The following PHACTR4 variants were observed in gnomAD, a reference collection of about 807,000 sequenced individuals.
PHACTR4 encodes protein phosphatase 1, regulatory subunit 124.
Under a neutral mutation model 72.7 loss-of-function variants are expected in PHACTR4, and 51 were observed. The ratio of observed to expected loss-of-function variants is 0.70; its 90% CI spans 0.56 to 0.89. PHACTR4 has a LOEUF of 0.89. Ranked by LOEUF, PHACTR4 falls within the 40% of genes least tolerant of loss-of-function variation. PHACTR4 has a pLI of 0.00. For synonymous variants in PHACTR4, 255 were observed against 302.5 expected, an observed-to-expected ratio of 0.84 and a Z score of 1.63; for missense variants, 731 against 861.8, an observed-to-expected ratio of 0.85 and a Z score of 1.90.
At chr1:28,418,600 C>A (rs1655278644) in intron 2 of PHACTR4, among the ~76,000 whole-genome samples, 1 of 151,990 alleles carries the variant, frequency 6.6e-6, no homozygotes, top group Non-Finnish European at 1.5e-5. Context: ...ATTATTTTTT[C>A]TTATTACAAA....
chr1:28,384,094 T>C (rs774792868), intron 1 of PHACTR4, among the ~76,000 whole-genome samples: 6 of 152,220 alleles, frequency 3.9e-5, no homozygotes, highest in Non-Finnish European at 7.3e-5. Flanking sequence ...TGCATTGATA[T>C]TCATCAAGAA....
intron 1 of PHACTR4, among the ~76,000 whole-genome samples, chr1:28,384,114 G>C (rs557108560): frequency 1.3e-5 from 2 of 152,224 alleles, no homozygotes; most frequent in South Asian, 4.1e-4. Context: ...ATGTTGACCT[G>C]AAGTTTTCTT....
chr1:28,394,650 G>T (rs1473653199), intron 1 of PHACTR4, among the ~76,000 whole-genome samples: 1 of 150,206 alleles, frequency 6.7e-6, no homozygotes, highest in African/African-American at 2.5e-5. Context: ...AGGCTGGAGT[G>T]CAGTGGCACG....
At chr1:28,382,743 C>T (rs1186173958) in intron 1 of PHACTR4, among the ~76,000 whole-genome samples, 1 of 152,078 alleles carries the variant, frequency 6.6e-6, no homozygotes, top group Non-Finnish European at 1.5e-5. Context: ...AGGAAGGGAT[C>T]CATTTTCAAT....
rs1223295576 is a variant in PHACTR4 at position 28,440,394 on chromosome 1, C to CTTTTTTTTTTTT, written c.17-18683_17-18672dup. Among the ~76,000 whole-genome samples the CTTTTTTTTTTTT allele has an allele frequency of 4.1e-4, 34 of 83,234 alleles. 2 individuals carry two copies. Among genetic ancestry groups the CTTTTTTTTTTTT allele is most frequent in the Non-Finnish European group, 4.9e-4 (22 of 44,686 alleles). 54.6% of individuals were successfully genotyped at this position (83,234 alleles called of 152,430 possible). A position where few individuals can be genotyped will look rare whatever the true frequency, so the allele number is the denominator to read the frequency against. Reference sequence around the variant, plus strand: ...AAAGTAAGAATCAAATTCATCAATTCTTTTTTTTTTTTTTTTTTTGAGACG... The same window carrying CTTTTTTTTTTTT: ...AAAGTAAGAATCAAATTCATCAATTCTTTTTTTTTTTTTTTTTTTTTTTTTTTTTTTGAGACG... On this transcript the variant is annotated intron_variant, in intron 2 of 13. Transcript: ENST00000373839.
chr1:28,456,336 A>G (rs1220408002), intron 2 of PHACTR4, among the ~76,000 whole-genome samples: 1 of 152,220 alleles, frequency 6.6e-6, no homozygotes, highest in Non-Finnish European at 1.5e-5. Context: ...GAACTCACTC[A>G]CTATTGCTAA....
chr1:28,452,505 T>C (rs1189885830), intron 2 of PHACTR4, among the ~76,000 whole-genome samples: 2 of 150,426 alleles, frequency 1.3e-5, no homozygotes, highest in African/African-American at 2.5e-5. Context: ...AGATGCTGTC[T>C]CAAAAATTTT....
At chr1:28,421,366 C>G (rs1275920733) in intron 2 of PHACTR4, among the ~76,000 whole-genome samples, 1 of 151,920 alleles carries the variant, frequency 6.6e-6, no homozygotes, top group Non-Finnish European at 1.5e-5. Flanking sequence ...GGCCTCTAAT[C>G]CTCGTTGAAG....
At chr1:28,381,302 CT>C (rs55790699) in intron 1 of PHACTR4, among the ~76,000 whole-genome samples, 41,799 of 111,668 alleles carry the variant, frequency 0.37, 7,323 homozygotes, top group African/African-American at 0.56. Context: ...TGCGCCTGGC[CT>C]TTTTTTTTTT....
intron 1 of PHACTR4, among the ~76,000 whole-genome samples, chr1:28,403,761 T>C (rs1051167411): frequency 1.4e-4 from 21 of 151,118 alleles, no homozygotes; most frequent in Non-Finnish European, 2.2e-4. Context: ...ACCCCCAACA[T>C]AGGCCACCGC....
At position 28,412,014 on chromosome 1, in the gene PHACTR4, G is replaced by A. The variant is rs369919573; in HGVS notation, c.16+4551G>A. 2.0e-5 allele frequency among the ~76,000 whole-genome samples: 3 copies of A among 152,090 alleles called. No individual in the cohort carries two copies. In the East Asian group the frequency reaches 5.8e-4, roughly 29 times the overall value. ...CAGAAGGATAGACCTAAGGTCTCTA[G>A]GACCTTTTCTACCTGGACAGATGCT... is the stretch of plus-strand genomic sequence containing the variant. On this transcript the variant is annotated intron_variant, in intron 2 of 13. Coordinates refer to ENST00000373839, the MANE Select transcript of PHACTR4 (RefSeq NM_001048183.3).
intron 1 of PHACTR4, among the ~76,000 whole-genome samples, chr1:28,402,739 C>T (rs1314435508): frequency 2.6e-5 from 4 of 152,188 alleles, no homozygotes; most frequent in African/African-American, 9.7e-5. Flanking sequence ...TTAGTGGAAA[C>T]ACAAAGTAGG....
intron 2 of PHACTR4, among the ~76,000 whole-genome samples, chr1:28,431,733 A>G (rs1557809524): frequency 6.6e-6 from 1 of 152,230 alleles, no homozygotes; most frequent in Non-Finnish European, 1.5e-5. Flanking sequence ...CTTACTGCTT[A>G]TAAACAATTT....
At chr1:28,415,127 G>A (rs922070571) in intron 2 of PHACTR4, among the ~76,000 whole-genome samples, 1 of 151,992 alleles carries the variant, frequency 6.6e-6, no homozygotes, top group Non-Finnish European at 1.5e-5. Context: ...CAGGCATGAT[G>A]GCGTGCTACT....
chr1:28,485,682 C>T (rs941940941), intron 9 of PHACTR4, among the ~76,000 whole-genome samples: 5 of 151,404 alleles, frequency 3.3e-5, no homozygotes, highest in Admixed American at 6.6e-5. Flanking sequence ...AGGCGTATCA[C>T]GAGGTCAGGA....
chr1:28,428,676 A>T (rs1656026994), intron 2 of PHACTR4, among the ~76,000 whole-genome samples: 1 of 152,214 alleles, frequency 6.6e-6, no homozygotes, highest in South Asian at 2.1e-4. Flanking sequence ...TAAAAGCATG[A>T]CAGAACCTCT....
chr1:28,370,901 G>A (rs557721702), intron 1 of PHACTR4, among the ~76,000 whole-genome samples: 1 of 152,134 alleles, frequency 6.6e-6, no homozygotes, highest in South Asian at 2.1e-4. Context: ...ACCAGCCTGG[G>A]CAACACAGCA....
intron 1 of PHACTR4, among the ~76,000 whole-genome samples, chr1:28,400,696 C>G (rs1653878928): frequency 6.6e-6 from 1 of 152,030 alleles, no homozygotes; most frequent in South Asian, 2.1e-4. Context: ...TCTCCTGCCT[C>G]AACCTCCAGA....
intron 8 of PHACTR4, among the ~76,000 whole-genome samples, chr1:28,477,173 C>A (rs1006898536): frequency 6.6e-6 from 1 of 151,308 alleles, no homozygotes; most frequent in African/African-American, 2.4e-5. Flanking sequence ...GCAACCTCCA[C>A]CTCCCGGGTT....
Sources: gnomAD v4.1 joint callset for allele counts (sites outside exome capture counted in the v4.1 genomes callset) on GRCh38, gnomAD v4.1.1 for gene constraint, MANE v1.5 for transcripts, NCBI Gene and HGNC (gene_info 2026-07-23, HGNC 2026-07-21) for gene names.